Variants in GPR176 observed in about 807,000 individuals in gnomAD.
GPR176 encodes G protein-coupled receptor 176.
Under a neutral mutation model 35.4 loss-of-function variants are expected in GPR176, and 26 were observed. The observed-to-expected ratio is 0.74, with a 90% CI of 0.54 to 1.02. The LOEUF is 1.02. GPR176 is among the 50% of genes least tolerant of loss of function. GPR176 has a pLI of 0.00. For synonymous variants in GPR176, 278 were observed against 271.3 expected (o/e 1.02, Z -0.24); for missense variants, 597 against 665.3 (o/e 0.90, Z 1.13).
At chr15:39,826,811 C>A (rs763868938) in intron 1 of GPR176, among the ~76,000 whole-genome samples, 1 of 152,164 alleles carries the variant, frequency 6.6e-6, no homozygotes, top group Non-Finnish European at 1.5e-5. Flanking sequence ...CAGAGTCAGC[C>A]TCCAAGGAAG....
At chr15:39,909,682 C>A (rs2033525757) in intron 1 of GPR176, among the ~76,000 whole-genome samples, 2 of 152,150 alleles carry the variant, frequency 1.3e-5, no homozygotes, top group South Asian at 4.1e-4. Context: ...AAACTTGAGC[C>A]TTTTCTTTAA....
At chr15:39,831,112 T>C (rs1901051958) in intron 1 of GPR176, among the ~76,000 whole-genome samples, 2 of 152,212 alleles carry the variant, frequency 1.3e-5, no homozygotes, top group South Asian at 2.1e-4. Flanking sequence ...CACTGAAGCA[T>C]GTGTTAACTT....
chr15:39,850,189 AT>A (rs2140806778), intron 1 of GPR176, among the ~76,000 whole-genome samples: 1 of 152,286 alleles, frequency 6.6e-6, no homozygotes, highest in East Asian at 1.9e-4. Flanking sequence ...CTTTACAAAC[AT>A]TATATACTTG....
At chr15:39,863,815 G>T (rs764315538) in intron 1 of GPR176, among the ~76,000 whole-genome samples, 16 of 152,166 alleles carry the variant, frequency 1.1e-4, no homozygotes, top group Admixed American at 3.9e-4. Context: ...TACGTAGCAG[G>T]CTGTACCATC....
intron 1 of GPR176, among the ~76,000 whole-genome samples, chr15:39,809,439 G>C (rs1899398542): frequency 6.6e-6 from 1 of 152,110 alleles, no homozygotes; most frequent in African/African-American, 2.4e-5. Flanking sequence ...AACAAAGCAA[G>C]ATAACTATAT....
chr15:39,817,929 A>T (rs1566939069), intron 1 of GPR176, among the ~76,000 whole-genome samples: 1 of 152,258 alleles, frequency 6.6e-6, no homozygotes, highest in Admixed American at 6.5e-5. Context: ...ATTCTATCTT[A>T]CTTTGATTTT....
chr15:39,911,139 T>C (rs1012708096), intron 1 of GPR176, among the ~76,000 whole-genome samples: 1 of 152,130 alleles, frequency 6.6e-6, no homozygotes, highest in Non-Finnish European at 1.5e-5. Context: ...TTATAATAAT[T>C]TGTTAATTTT....
intron 1 of GPR176, among the ~76,000 whole-genome samples, chr15:39,909,419 A>T (rs1004225059): frequency 1.3e-5 from 2 of 152,144 alleles, no homozygotes; most frequent in African/African-American, 4.8e-5. Flanking sequence ...TGGTTCCCAG[A>T]CCCTCTCATA....
Position 39,801,336 on chromosome 15 carries a change from C to T in GPR176, c.1344G>A (p.Lys448=). ...GCCCAAAGCCAAACTGCAGGGAATA[C>T]TTATCAGGGAATGTTTCAGGTTCCA... ...APVEPETFPD[K]YSLQFGFGPF... Residue 448 remains lysine, a synonymous_variant, in exon 3 of 3, where the codon AAG becomes AAA. Coordinates refer to ENST00000561100, the MANE Select transcript of GPR176 (RefSeq NM_007223.3). 1 of 1,614,136 alleles carries T rather than the reference C, an allele frequency of 6.2e-7. No individual in the cohort carries two copies.
intron 1 of GPR176, among the ~76,000 whole-genome samples, chr15:39,913,831 G>A (rs895033406): frequency 6.6e-6 from 1 of 152,182 alleles, no homozygotes; most frequent in Non-Finnish European, 1.5e-5. Context: ...CAGATCACAA[G>A]GTCAGGAGAT....
At position 39,868,024 on chromosome 15, in the gene GPR176, C is replaced by T. The variant is rs1402147266; in HGVS notation, c.172+51831G>A. 1.1e-4 allele frequency among the ~76,000 whole-genome samples: 17 copies of T among 152,006 alleles called. 1 individual carries two copies. The highest frequency in any genetic ancestry group is 1.1e-3 in the Admixed American group (17 of 15,260). ...CCAACCAAAGCCTAAGCCATGATGC[C>T]ACCTGTTAAGATAATAAATGACATC... On this transcript the variant is annotated intron_variant, in intron 1 of 2. Coordinates refer to ENST00000561100, the MANE Select transcript of GPR176 (RefSeq NM_007223.3).
chr15:39,854,647 G>T (rs1443348053), intron 1 of GPR176, among the ~76,000 whole-genome samples: 1 of 152,122 alleles, frequency 6.6e-6, no homozygotes. Flanking sequence ...TGAAATCTTG[G>T]TAGGGAGCAT....
At chr15:39,836,646 T>C (rs1901416651) in intron 1 of GPR176, among the ~76,000 whole-genome samples, 1 of 152,198 alleles carries the variant, frequency 6.6e-6, no homozygotes. Context: ...GGCACTTCTT[T>C]TTTATAAAAT....
chr15:39,851,722 C>T (rs1260218496), intron 1 of GPR176, among the ~76,000 whole-genome samples: 4 of 152,342 alleles, frequency 2.6e-5, no homozygotes, highest in Middle Eastern at 3.4e-3. Context: ...TGCAATTTCA[C>T]GCACCAAAAT....
intron 1 of GPR176, among the ~76,000 whole-genome samples, chr15:39,814,605 T>A (rs1899776924): frequency 1.3e-5 from 2 of 152,224 alleles, no homozygotes; most frequent in Admixed American, 1.3e-4. Flanking sequence ...CTAGTTTTTC[T>A]CAGATGGTTC....
At chr15:39,806,555 T>C (rs1019402992) in intron 2 of GPR176, among the ~76,000 whole-genome samples, 1 of 152,208 alleles carries the variant, frequency 6.6e-6, no homozygotes, top group African/African-American at 2.4e-5. Flanking sequence ...ATTCTGGTGT[T>C]ACCTAGCCAG....
chr15:39,900,464 A>C (rs1357756760), intron 1 of GPR176, among the ~76,000 whole-genome samples: 9 of 152,214 alleles, frequency 5.9e-5, no homozygotes, highest in African/African-American at 1.9e-4. Flanking sequence ...ACACAAATTA[A>C]AGATGTCTGA....
intron 1 of GPR176, among the ~76,000 whole-genome samples, chr15:39,886,269 A>C (rs2032671550): frequency 6.6e-6 from 1 of 151,932 alleles, no homozygotes; most frequent in South Asian, 2.1e-4. Context: ...GGAATATTAG[A>C]CTTTGCCTAC....
At chr15:39,902,387 G>C (rs1389322301) in intron 1 of GPR176, among the ~76,000 whole-genome samples, 2 of 152,172 alleles carry the variant, frequency 1.3e-5, no homozygotes, top group Non-Finnish European at 2.9e-5. Flanking sequence ...TCAGGGAAAA[G>C]TTCCATCCAA....
Sources: gnomAD v4.1 joint callset for allele counts (sites outside exome capture counted in the v4.1 genomes callset) on GRCh38, gnomAD v4.1.1 for gene constraint, MANE v1.5 for transcripts, NCBI Gene and HGNC (gene_info 2026-07-23, HGNC 2026-07-21) for gene names.